UGT1A7: variants seen among roughly 807,000 people sequenced by gnomAD.
UGT1A7 encodes the protein UDP-glucuronosyltransferase 1A7.
Under a neutral mutation model 45.6 loss-of-function variants are expected in UGT1A7, and 33 were observed. The ratio of observed to expected loss-of-function variants is 0.72; its 90% CI spans 0.55 to 0.97. UGT1A7 has a LOEUF of 0.97. Ranked by LOEUF, UGT1A7 falls within the 50% of genes least tolerant of loss-of-function variation. UGT1A7 has a pLI of 0.00. For missense variants in UGT1A7, 684 were observed against 666.2 expected, an observed-to-expected ratio of 1.03 and a Z score of -0.29; for synonymous variants, 274 against 250.6, an observed-to-expected ratio of 1.09 and a Z score of -0.88.
intron 1 of UGT1A7, among the ~76,000 whole-genome samples, chr2:233,709,629 A>G (rs2076085542): frequency 6.6e-6 from 1 of 152,194 alleles, no homozygotes; most frequent in South Asian, 2.1e-4. Context: ...TTTTGCTGTG[A>G]GTGTTTCTTG....
intron 1 of UGT1A7, among the ~76,000 whole-genome samples, chr2:233,751,474 G>T (rs1469099593): frequency 6.6e-6 from 1 of 152,210 alleles, no homozygotes; most frequent in South Asian, 2.1e-4. Context: ...GATTGGTTTT[G>T]AAATGTGAAA....
Position 233,737,223 on chromosome 2 carries a change from T to G in UGT1A7, c.856-29811T>G, listed in dbSNP as rs929456568. ...GCGGTGGACTCTGTTCAGTTCCAGC[T>G]TCCTGGATGCTTTGTTTACCTACTC... On this transcript the variant is annotated intron_variant, in intron 1 of 4. Transcript: ENST00000373426. Among the ~76,000 whole-genome samples, 4 of 152,236 alleles carry G rather than the reference T, an allele frequency of 2.6e-5. No homozygotes were observed. In the East Asian group the frequency reaches 7.7e-4, roughly 29 times the overall value.
chr2:233,720,299 G>A (rs1559365753), intron 1 of UGT1A7, among the ~76,000 whole-genome samples: 1 of 152,118 alleles, frequency 6.6e-6, no homozygotes, highest in Admixed American at 6.5e-5. Flanking sequence ...AGGAGTTGGG[G>A]GTCTGGTGTA....
Position 233,681,974 on chromosome 2 carries a change from T to C in UGT1A7, c.37T>C (p.Tyr13His), listed in dbSNP as rs1348746659. 13 of 1,614,168 alleles carry C rather than the reference T, an allele frequency of 8.1e-6. No individual in the cohort carries two copies. The East Asian group carries it at 1.6e-4, about 19-fold the overall frequency. Residue 13 changes from tyrosine to histidine, a missense_variant, in exon 1 of 5, where the codon TAT (tyrosine) becomes CAT (histidine). Tyr to His is a moderately conservative substitution (Grantham distance 83). Transcript: ENST00000373426. ...RAGWTGLLPLYVCLLLTCGFA... is the reference protein window; with the variant it reads ...RAGWTGLLPLHVCLLLTCGFA... The stretch of plus-strand genomic sequence containing the variant: ...AGGGTGGACTGGCCTCCTTCCCCTA[T>C]ATGTGTGTCTACTGCTGACCTGTGG...
intron 1 of UGT1A7, chr2:233,719,173 A>C: frequency 1.9e-6 from 3 of 1,614,262 alleles, no homozygotes; most frequent in Non-Finnish European, 2.5e-6. Flanking sequence ...GCAATTATGA[A>C]CAATGTATCT....
chr2:233,749,284 A>G (rs1432188982), intron 1 of UGT1A7, among the ~76,000 whole-genome samples: 1 of 151,920 alleles, frequency 6.6e-6, no homozygotes, highest in East Asian at 1.9e-4. Flanking sequence ...TATGCAGTGT[A>G]GTTATTCAAT....
At chr2:233,760,288 A>G (rs1697385056) in intron 1 of UGT1A7, 1 of 1,613,154 alleles carries the variant, frequency 6.2e-7, no homozygotes, top group Non-Finnish European at 8.5e-7. Context: ...CAAAGGCGCC[A>G]TGGCTGTGGA....
At position 233,719,059 on chromosome 2, in the gene UGT1A7, A is replaced by G. The variant is rs747301276; in HGVS notation, c.855+36267A>G. The G allele has an allele frequency of 3.7e-6, 6 of 1,614,138 alleles. No individual in the cohort carries two copies. In the South Asian group the frequency reaches 4.4e-5, roughly 12 times the overall value. On this transcript the variant is annotated intron_variant, in intron 1 of 4. Transcript: ENST00000373426. Reference sequence around the variant, plus strand: ...GAGAAATTTTTCACCCTGACAGCCTATGCTGTTCCATGGACCCAGAAGGAA... The same window carrying G: ...GAGAAATTTTTCACCCTGACAGCCTGTGCTGTTCCATGGACCCAGAAGGAA...
chr2:233,707,616 T>C (rs557217534), intron 1 of UGT1A7, among the ~76,000 whole-genome samples: 2 of 152,218 alleles, frequency 1.3e-5, no homozygotes, highest in East Asian at 3.9e-4. Context: ...TTGTGGATTG[T>C]CAGTACTGAA....
intron 1 of UGT1A7, among the ~76,000 whole-genome samples, chr2:233,732,611 G>A (rs570664429): frequency 1.3e-5 from 2 of 152,306 alleles, no homozygotes; most frequent in East Asian, 3.9e-4. Flanking sequence ...AGATCAAATG[G>A]TTGTAGATGT....
chr2:233,682,442 G>T lies in UGT1A7; in HGVS notation c.505G>T (p.Ala169Ser), dbSNP rs1559339683. ...TTTCTCCCTCCCCTCTGTGGTCTTC[G>T]CCAGGGGAATATTTTGCCACTATCT... Reference protein sequence around the residue: ...KYFSLPSVVFARGIFCHYLEE... With the variant: ...KYFSLPSVVFSRGIFCHYLEE... The change falls in exon 1 of 5, where the codon GCC (alanine) becomes TCC (serine). Residue 169 changes from alanine (A) to serine (S), a missense_variant. By Grantham distance (99) the Ala-to-Ser change is moderately conservative. Coordinates refer to ENST00000373426, the MANE Select transcript of UGT1A7 (RefSeq NM_019077.3). The T allele has an allele frequency of 6.2e-7, 1 of 1,613,664 alleles. No individual in the cohort carries two copies. Among genetic ancestry groups the T allele is most frequent in the East Asian group, 2.2e-5 (1 of 44,874 alleles).
At chr2:233,712,490 G>T (rs916274893) in intron 1 of UGT1A7, among the ~76,000 whole-genome samples, 2 of 152,158 alleles carry the variant, frequency 1.3e-5, no homozygotes, top group Admixed American at 1.3e-4. Context: ...AAGAAAGCTG[G>T]CTTAGCAATG....
intron 1 of UGT1A7, among the ~76,000 whole-genome samples, chr2:233,739,476 A>T (rs913646200): frequency 6.6e-6 from 1 of 152,224 alleles, no homozygotes; most frequent in African/African-American, 2.4e-5. Flanking sequence ...AGACCGTGGG[A>T]GCCCATTTCT....
chr2:233,745,708 C>G (rs571256965), intron 1 of UGT1A7, among the ~76,000 whole-genome samples: 5 of 149,444 alleles, frequency 3.3e-5, no homozygotes, highest in South Asian at 2.1e-4. Context: ...AACAAGTGAT[C>G]CAGAATGGCT....
In UGT1A7 at chr2:233,769,947, C is replaced by T. The variant is rs202080312; in HGVS notation, c.1295+1508C>T. On this transcript the variant is annotated intron_variant, in intron 4 of 4. Coordinates refer to ENST00000373426, the MANE Select transcript of UGT1A7 (RefSeq NM_019077.3). The surrounding 1 kb of genome is among the most constrained non-coding windows in gnomAD (Gnocchi z 4.4). ...GTGTGGTCCCATTCCTTCCTTCCAG[C>T]GGCTTCTTCTGGCCACCTCAATGTC... The T allele has an allele frequency of 2.2e-5, 5 of 224,160 alleles. No homozygotes were observed. Among genetic ancestry groups the T allele is most frequent in the Non-Finnish European group, 3.5e-5 (4 of 114,192 alleles). 13.9% of individuals were successfully genotyped at this position (224,160 alleles called of 1,614,324 possible). A position where few individuals can be genotyped will look rare whatever the true frequency, so the allele number is the denominator to read the frequency against.
intron 1 of UGT1A7, chr2:233,691,663 G>T (rs771214471): frequency 5.1e-6 from 5 of 983,276 alleles, no homozygotes; most frequent in Non-Finnish European, 6.0e-6. Flanking sequence ...CTCCCTTTCT[G>T]GGCCTCAGTT....
At chr2:233,727,412 AG>A (rs1009370497) in intron 1 of UGT1A7, among the ~76,000 whole-genome samples, 2 of 152,150 alleles carry the variant, frequency 1.3e-5, no homozygotes, top group African/African-American at 2.4e-5. Context: ...GGGCCTCCTC[AG>A]GGTCTGGGAG....
chr2:233,754,994 G>A, intron 1 of UGT1A7: 2 of 1,293,996 alleles, frequency 1.5e-6, no homozygotes. Flanking sequence ...GGTCACGGAA[G>A]CTGAAGACCT....
intron 1 of UGT1A7, among the ~76,000 whole-genome samples, chr2:233,695,128 T>C (rs2075262409): frequency 9.2e-6 from 1 of 109,188 alleles, no homozygotes; most frequent in African/African-American, 4.0e-5. Context: ...CCCTTTTCTT[T>C]TCTTTTTTTT....
Sources: allele counts gnomAD v4.1 joint callset (sites outside exome capture counted in the v4.1 genomes callset), GRCh38; gene constraint gnomAD v4.1.1; non-coding constraint Gnocchi (gnomAD v3.1); transcripts MANE v1.5; gene names NCBI Gene and HGNC (gene_info 2026-07-23, HGNC 2026-07-21).